The following PABPC1L variants were observed in gnomAD, a reference collection of about 807,000 sequenced individuals.
PABPC1L encodes the protein poly(A) binding protein cytoplasmic 1 like.
Under a neutral mutation model 66.6 loss-of-function variants are expected in PABPC1L, and 31 were observed. The observed-to-expected ratio is 0.47, with a 90% CI of 0.35 to 0.63. PABPC1L has a LOEUF of 0.63. PABPC1L is among the 20% of genes least tolerant of loss of function. PABPC1L has a pLI of 0.00. For synonymous variants in PABPC1L, 348 were observed against 335.1 expected, an observed-to-expected ratio of 1.04 and a Z score of -0.42; for missense variants, 722 against 848.8, an observed-to-expected ratio of 0.85 and a Z score of 1.86.
Position 44,930,460 on chromosome 20 carries a change from G to A in PABPC1L, c.973G>A (p.Val325Met). 6.2e-7 allele frequency: 1 copy of A among 1,612,536 alleles called. No individual in the cohort carries two copies. The highest frequency in any genetic ancestry group is 8.5e-7 in the Non-Finnish European group (1 of 1,178,966). ...SPYGVITSAKVMTEGGHSKGF... is the reference protein window; with the variant it reads ...SPYGVITSAKMMTEGGHSKGF... ...AGCTCTTGTCTTGTCTTGCTTTTAG[G>A]TGATGACAGAGGGTGGCCACAGCAA... The change falls in exon 8 of 15, where the codon GTG (valine) becomes ATG (methionine). Residue 325 changes from valine to methionine, a missense_variant and splice_region_variant. Val to Met is a conservative substitution (Grantham distance 21). Coordinates refer to ENST00000217073, the MANE Select transcript of PABPC1L (RefSeq NM_001372179.1).
At chr20:44,931,041 C>CTCCCTTCCCT (rs1334947066) in intron 8 of PABPC1L, among the ~76,000 whole-genome samples, 5 of 55,958 alleles carry the variant, frequency 8.9e-5, no homozygotes, top group African/African-American at 2.9e-4. Context: ...CCTCCCTTCC[C>CTCCCTTCCCT]TCCCTTCCCT....
chr20:44,930,428 C>T, intron 7 of PABPC1L, 32 bp from the exon 8 acceptor site: 1 of 1,592,082 alleles, frequency 6.3e-7, no homozygotes, highest in Non-Finnish European at 8.6e-7. Context: ...TCCTTCCCCA[C>T]CCCAGCAGCT....
At chr20:44,914,383 T>C (rs2066725056) in intron 2 of PABPC1L, among the ~76,000 whole-genome samples, 1 of 152,050 alleles carries the variant, frequency 6.6e-6, no homozygotes. Context: ...ATTTTTTTTG[T>C]ATTTTTAGTA....
At chr20:44,928,873 AAAAAAAAAAAAAG>A (rs1168572839) in intron 7 of PABPC1L, among the ~76,000 whole-genome samples, 19 of 149,126 alleles carry the variant, frequency 1.3e-4, no homozygotes, top group Non-Finnish European at 2.7e-4. Flanking sequence ...TCAAAAAAAA[AAAAAAAAAAAAAG>A]AAAAAAAAAA....
chr20:44,924,647 T>G (rs766946356), intron 7 of PABPC1L, among the ~76,000 whole-genome samples: 57 of 152,242 alleles, frequency 3.7e-4, no homozygotes, highest in Admixed American at 1.0e-3. Flanking sequence ...AGGGCTGGAC[T>G]TCGTCATTCT....
intron 1 of PABPC1L, among the ~76,000 whole-genome samples, chr20:44,911,812 C>G (rs776964412): frequency 6.6e-6 from 1 of 152,134 alleles, no homozygotes; most frequent in African/African-American, 2.4e-5. Context: ...GGGTTTTGCC[C>G]CAGGTATTTA....
intron 8 of PABPC1L, 60 bp downstream of exon 8, chr20:44,930,786 A>G (rs1048070260): frequency 5.1e-6 from 8 of 1,572,252 alleles, no homozygotes; most frequent in Non-Finnish European, 6.9e-6. Flanking sequence ...AAGGCAGAGC[A>G]TGAAGACTAG....
At chr20:44,938,945 A>C (rs944308746) in intron 14 of PABPC1L, among the ~76,000 whole-genome samples, 181 bp from the exon 15 acceptor site, 1 of 152,196 alleles carries the variant, frequency 6.6e-6, no homozygotes, top group Non-Finnish European at 1.5e-5. Context: ...AGGGTGAAGG[A>C]GGTGCCCTCT....
intron 12 of PABPC1L, 44 bp from the exon 13 acceptor site, chr20:44,938,017 G>A (rs749906852): frequency 3.1e-6 from 5 of 1,611,530 alleles, no homozygotes; most frequent in East Asian, 2.2e-5. Flanking sequence ...ATGCTGGGGT[G>A]TGAGCTAGGC....
Position 44,912,667 on chromosome 20 carries a change from G to A in PABPC1L, c.201G>A (p.Arg67=). The change falls in exon 2 of 15, where the codon CGG becomes CGA. Residue 67 remains arginine, a synonymous_variant. Transcript: ENST00000217073. ...INFQQPADAE[R]ALDTMNFEML... ...CCTCTTCCTTCTGTCCAGCGGAGCG[G>A]GCACTGGACACAATGAACTTTGAGA... is the stretch of plus-strand genomic sequence containing the variant. The A allele has an allele frequency of 6.8e-6, 11 of 1,611,354 alleles. No homozygotes were observed. The highest frequency in any genetic ancestry group is 9.3e-6 in the Non-Finnish European group (11 of 1,177,824).
At chr20:44,924,808 G>A (rs906710754) in intron 7 of PABPC1L, among the ~76,000 whole-genome samples, 1 of 152,124 alleles carries the variant, frequency 6.6e-6, no homozygotes, top group Non-Finnish European at 1.5e-5. Context: ...ATGGCTTTCC[G>A]ACCCTGGCTT....
chr20:44,930,084 C>T (rs553130288), intron 7 of PABPC1L, among the ~76,000 whole-genome samples: 2 of 152,090 alleles, frequency 1.3e-5, no homozygotes, highest in Admixed American at 6.6e-5. Context: ...GCCGCGATGC[C>T]TCCCGCATCG....
chr20:44,935,461 G>A lies in PABPC1L; in HGVS notation c.1530G>A (p.Pro510=), dbSNP rs543571234. ...GTACACCAGGCCGGCCGCTCCTGCC[G>A]TGCAAATGTTCCTCAGCAGCACATA... The part of the protein sequence containing the change: ...GCCTPGRPLL[P]CKCSSAAHST... The change falls in exon 11 of 15, where the codon CCG becomes CCA. Residue 510 remains proline, a synonymous_variant. Coordinates refer to ENST00000217073, the MANE Select transcript of PABPC1L (RefSeq NM_001372179.1). 13 of 1,614,034 alleles carry A rather than the reference G, an allele frequency of 8.1e-6. No homozygotes were observed. Among genetic ancestry groups the A allele is most frequent in the East Asian group, 6.7e-5 (3 of 44,902 alleles).
intron 10 of PABPC1L, 88 bp downstream of exon 10, chr20:44,933,273 T>C (rs2145580340): frequency 1.8e-6 from 2 of 1,130,558 alleles, no homozygotes; most frequent in South Asian, 2.7e-5. Context: ...CCTTGCCATA[T>C]GCCCTCTCGG....
intron 7 of PABPC1L, among the ~76,000 whole-genome samples, chr20:44,928,767 G>GCCC (rs2066827975): frequency 6.8e-6 from 1 of 146,728 alleles, no homozygotes; most frequent in South Asian, 2.2e-4. Context: ...GGGAGACTGA[G>GCCC]TTGAGAGGAT....
chr20:44,930,674 T>C lies in PABPC1L; in HGVS notation c.1187T>C (p.Leu396Pro). 6.2e-7 allele frequency: 1 copy of C among 1,614,080 alleles called. No individual in the cohort carries two copies. The highest frequency in any genetic ancestry group is 1.1e-5 in the South Asian group (1 of 91,086). ...LSTMRTLSNP[L>P]LGSFQQPSSY... is the part of the protein sequence containing the mutation. ...ACCATGCGGACCCTGAGCAACCCCC[T>C]CCTGGGCTCCTTTCAGCAGCCCTCC... The change falls in exon 8 of 15, where the codon CTC (leucine) becomes CCC (proline). Residue 396 changes from leucine to proline, a missense_variant. Leu to Pro is a moderately conservative substitution (Grantham distance 98). Around this residue, in one of 3 missense-constraint regions of PABPC1L, gnomAD observed 301 missense variants for 337.2 expected, o/e 0.89. Coordinates refer to ENST00000217073, the MANE Select transcript of PABPC1L (RefSeq NM_001372179.1).
At chr20:44,936,554 C>A in intron 11 of PABPC1L, 83 bp from the exon 12 acceptor site, 1 of 1,186,500 alleles carries the variant, frequency 8.4e-7, no homozygotes, top group Non-Finnish European at 1.2e-6. Context: ...GCCTCCCTGG[C>A]CTTCTGCTCA....
chr20:44,934,731 G>A (rs2066887227), intron 10 of PABPC1L, among the ~76,000 whole-genome samples: 2 of 152,144 alleles, frequency 1.3e-5, no homozygotes, highest in South Asian at 4.1e-4. Flanking sequence ...TCTATCAATG[G>A]ACACTTTTCT....
rs547292213 is a variant in PABPC1L, at chr20:44,938,601, G to A, written c.1792-73G>A. The A allele has an allele frequency of 2.2e-5, 33 of 1,516,920 alleles. No homozygotes were observed. The African/African-American group carries it at 3.9e-4, about 18-fold the overall frequency. The allele number at this position is 1,516,920 out of a possible 1,614,324, so 94.0% of individuals were successfully genotyped here. On this transcript the variant is annotated intron_variant, in intron 13 of 14. Coordinates refer to ENST00000217073, the MANE Select transcript of PABPC1L (RefSeq NM_001372179.1). The stretch of plus-strand genomic sequence containing the variant: ...ATCCTGTATCCAGGATGGTGAGCGA[G>A]GGGGAGATCAAGGCTCTTCTGTGAC...
Sources: allele counts gnomAD v4.1 joint callset (sites outside exome capture counted in the v4.1 genomes callset), GRCh38; gene constraint gnomAD v4.1.1; regional missense constraint gnomAD v4.1.1; transcripts MANE v1.5; gene names NCBI Gene and HGNC (gene_info 2026-07-23, HGNC 2026-07-21).